Variants in GPC5 observed in about 807,000 individuals in gnomAD.
GPC5 encodes the protein glypican 5, also known as glypican-5.
GPC5 carries 47 observed loss-of-function variants against 53.9 expected under a neutral mutation model. The ratio of observed to expected loss-of-function variants is 0.87; its 90% CI spans 0.69 to 1.11. The LOEUF is 1.11. Among genes scored for constraint, GPC5 ranks in the 50% most tolerant of loss-of-function variants. The probability of loss-of-function intolerance (pLI) is 0.00; values close to 1 mark genes in which losing one functional copy is unlikely to be tolerated. For missense variants in GPC5, 748 were observed against 713.1 expected (o/e 1.05, Z -0.56); for synonymous variants, 286 against 263.3 (o/e 1.09, Z -0.84).
chr13:91,650,750 G>GTTTTTGTTTTTT (rs1491353283), intron 2 of GPC5, among the ~76,000 whole-genome samples: 10 of 99,600 alleles, frequency 1.0e-4, no homozygotes, highest in African/African-American at 1.6e-4. Context: ...ATTCCCATAA[G>GTTTTTGTTTTTT]TTTTTTTTTT....
intron 6 of GPC5, among the ~76,000 whole-genome samples, chr13:92,137,314 A>G (rs2041792336): frequency 6.6e-6 from 1 of 152,188 alleles, no homozygotes; most frequent in Admixed American, 6.5e-5. Flanking sequence ...AGGTGTAGTG[A>G]TTGACTTTGT....
chr13:91,413,545 G>A (rs1374558571), intron 1 of GPC5, among the ~76,000 whole-genome samples: 1 of 152,220 alleles, frequency 6.6e-6, no homozygotes, highest in East Asian at 1.9e-4. Flanking sequence ...AATTAAATCA[G>A]ATTTAATAGT....
intron 7 of GPC5, among the ~76,000 whole-genome samples, chr13:92,262,468 G>T (rs1032362373): frequency 5.9e-5 from 9 of 152,098 alleles, no homozygotes; most frequent in African/African-American, 2.2e-4. Flanking sequence ...CCATTCTCTA[G>T]CTTTCTTTCA....
intron 7 of GPC5, among the ~76,000 whole-genome samples, chr13:92,521,848 G>A (rs972928503): frequency 2.0e-5 from 3 of 152,076 alleles, no homozygotes; most frequent in Non-Finnish European, 4.4e-5. Flanking sequence ...GCAACTTACA[G>A]AATGGGAGAA....
intron 6 of GPC5, among the ~76,000 whole-genome samples, chr13:91,936,372 A>G (rs1407955406): frequency 6.6e-6 from 1 of 151,966 alleles, no homozygotes; most frequent in Non-Finnish European, 1.5e-5. Flanking sequence ...GCTTGGGGGT[A>G]ACCTATAACG....
At chr13:92,573,706 C>T (rs923714220) in intron 7 of GPC5, among the ~76,000 whole-genome samples, 2 of 152,154 alleles carry the variant, frequency 1.3e-5, no homozygotes, top group African/African-American at 4.8e-5. Context: ...GACAACTGAT[C>T]ATAGCTCCTA....
rs542027522 is a variant in GPC5 at position 91,692,655 on chromosome 13, T to A, written c.326-532T>A. 2.9e-3 allele frequency among the ~76,000 whole-genome samples: 449 copies of A among 152,276 alleles called. 8 individuals are homozygous for A. In the South Asian group the frequency reaches 0.035, roughly 12 times the overall value. ...CTTATTTTTTATTTCATTACTTTTT[T>A]AATTTTGAGACAGAGTCTCACTCTG... On this transcript the variant is annotated intron_variant, in intron 2 of 7. Transcript: ENST00000377067.
chr13:92,349,552 AG>A (rs1160910770), intron 7 of GPC5, among the ~76,000 whole-genome samples: 1 of 151,934 alleles, frequency 6.6e-6, no homozygotes, highest in African/African-American at 2.4e-5. Flanking sequence ...ATAAAATCTG[AG>A]GTGAAATCAG....
intron 7 of GPC5, among the ~76,000 whole-genome samples, chr13:92,613,144 T>A (rs2139098505): frequency 6.8e-6 from 1 of 147,978 alleles, no homozygotes; most frequent in South Asian, 2.1e-4. Flanking sequence ...CCAAAATGAT[T>A]AGGTTTGCAA....
At chr13:92,568,073 G>A (rs571488206) in intron 7 of GPC5, among the ~76,000 whole-genome samples, 4 of 152,176 alleles carry the variant, frequency 2.6e-5, no homozygotes, top group Admixed American at 2.6e-4. Context: ...TGATATCCCA[G>A]CACTCTGGCA....
At chr13:92,466,289 C>T (rs996680704) in intron 7 of GPC5, among the ~76,000 whole-genome samples, 3 of 152,084 alleles carry the variant, frequency 2.0e-5, no homozygotes, top group Non-Finnish European at 2.9e-5. Context: ...TTAGTGTTTG[C>T]TTTAGAAAAT....
At chr13:92,618,369 T>C (rs1423829141) in intron 7 of GPC5, among the ~76,000 whole-genome samples, 5 of 152,130 alleles carry the variant, frequency 3.3e-5, no homozygotes, top group African/African-American at 1.2e-4. Context: ...ATTTGACTTC[T>C]GCTCCCCAAA....
chr13:92,053,986 C>A (rs2041052495), intron 6 of GPC5, among the ~76,000 whole-genome samples: 1 of 151,282 alleles, frequency 6.6e-6, no homozygotes, highest in Non-Finnish European at 1.5e-5. Context: ...GAGCTGAGAT[C>A]GCGCCACTGC....
intron 5 of GPC5, among the ~76,000 whole-genome samples, chr13:91,764,129 C>T (rs369060515): frequency 7.2e-5 from 11 of 152,098 alleles, no homozygotes; most frequent in African/African-American, 2.7e-4. Context: ...TCCAGAGGGC[C>T]AACTGTAATA....
intron 7 of GPC5, among the ~76,000 whole-genome samples, chr13:92,527,108 A>AAAAG (rs58356455): frequency 0.06 from 2,349 of 38,850 alleles, 169 homozygotes; most frequent in Non-Finnish European, 0.072. Context: ...AAAGAAAGAA[A>AAAAG]AAAGAAAGAA....
chr13:91,682,372 C>T (rs1381719203), intron 2 of GPC5, among the ~76,000 whole-genome samples: 7 of 152,174 alleles, frequency 4.6e-5, no homozygotes, highest in Non-Finnish European at 8.8e-5. Flanking sequence ...TTTTTCAGCA[C>T]ATTCTACCTT....
chr13:92,533,035 G>A (rs1250439692), intron 7 of GPC5, among the ~76,000 whole-genome samples: 1 of 151,886 alleles, frequency 6.6e-6, no homozygotes, highest in Non-Finnish European at 1.5e-5. Context: ...AATTATTATT[G>A]CTTTATGGAA....
intron 6 of GPC5, among the ~76,000 whole-genome samples, chr13:92,135,375 C>T (rs1269394100): frequency 6.6e-6 from 1 of 152,108 alleles, no homozygotes; most frequent in Non-Finnish European, 1.5e-5. Flanking sequence ...TGTTTTCTCC[C>T]CTGTTTCAAT....
intron 7 of GPC5, among the ~76,000 whole-genome samples, chr13:92,473,043 A>G (rs9589552): frequency 0.016 from 2,420 of 152,214 alleles, 61 homozygotes; most frequent in African/African-American, 0.053. Context: ...ATTGTCAAAA[A>G]CAGATATTGA....
Sources: allele counts gnomAD v4.1 joint callset (sites outside exome capture counted in the v4.1 genomes callset), GRCh38; gene constraint gnomAD v4.1.1; transcripts MANE v1.5; gene names NCBI Gene and HGNC (gene_info 2026-07-23, HGNC 2026-07-21).